IL12RB2: variants seen among roughly 807,000 people sequenced by gnomAD.
IL12RB2 encodes interleukin-12 receptor subunit beta-2.
In IL12RB2, 82 loss-of-function variants were observed where a neutral mutation model predicts 89.4. The ratio of observed to expected loss-of-function variants is 0.92; its 90% CI spans 0.77 to 1.10. The LOEUF is 1.10. IL12RB2 is among the 50% of genes least tolerant of loss of function. IL12RB2 has a pLI of 0.00. For synonymous variants in IL12RB2, 368 were observed against 370.1 expected (o/e 0.99, Z 0.07); for missense variants, 963 against 1,031.9 (o/e 0.93, Z 0.92).
chr1:67,325,927 T>C lies in IL12RB2; in HGVS notation c.365-808T>C, dbSNP rs575702940. 1.2e-4 allele frequency among the ~76,000 whole-genome samples: 18 copies of C among 152,324 alleles called. 1 individual carries two copies. The highest frequency in any genetic ancestry group is 4.1e-4 in the African/African-American group (17 of 41,576). On this transcript the variant is annotated intron_variant, in intron 4 of 16. Coordinates refer to ENST00000674203, the MANE Select transcript of IL12RB2 (RefSeq NM_001374259.2). ...ATTCCTAGTTTGGGTCCTTTCACCA[T>C]AAAATAGCTTTATTTAAAAATACAC...
intron 16 of IL12RB2, among the ~76,000 whole-genome samples, chr1:67,393,498 A>G (rs1173269447): frequency 6.6e-6 from 1 of 152,240 alleles, no homozygotes; most frequent in African/African-American, 2.4e-5. Context: ...CTGTGGTAGC[A>G]GCACTTTGGC....
intron 8 of IL12RB2, among the ~76,000 whole-genome samples, chr1:67,332,856 C>CA (rs931292318): frequency 5.3e-5 from 8 of 152,204 alleles, no homozygotes; most frequent in African/African-American, 1.9e-4. Flanking sequence ...TTCTTACTCA[C>CA]ATATGATAAT....
chr1:67,323,141 G>GATATATATAT (rs61052076), intron 4 of IL12RB2, among the ~76,000 whole-genome samples: 2 of 151,516 alleles, frequency 1.3e-5, no homozygotes, highest in Admixed American at 6.6e-5. Context: ...GACCTATAAG[G>GATATATATAT]ATATATATAT....
At chr1:67,379,330 T>C (rs1047945225) in intron 13 of IL12RB2, among the ~76,000 whole-genome samples, 7 of 149,290 alleles carry the variant, frequency 4.7e-5, no homozygotes, top group African/African-American at 1.7e-4. Context: ...GCCAACATGG[T>C]GAAACCCCAT....
At chr1:67,313,390 G>T (rs1175216232) in intron 1 of IL12RB2, among the ~76,000 whole-genome samples, 1 of 152,112 alleles carries the variant, frequency 6.6e-6, no homozygotes, top group Non-Finnish European at 1.5e-5. Flanking sequence ...CTAGCATCGT[G>T]CCTGAAACAT....
In IL12RB2 at chr1:67,328,247, T is replaced by A; in HGVS notation, c.527T>A (p.Ile176Asn). The change falls in exon 6 of 17, where the codon ATT becomes AAT. Residue 176 changes from isoleucine (I) to asparagine (N), a missense_variant. Transcript: ENST00000674203. ...NLTWQKQCKD[I>N]YCDYLDFGIN... ...ACCTGGCAGAAGCAATGTAAAGACATTTATTGTGACTATTTGGACTTTGGA... is the reference window on the plus strand; with the variant it reads ...ACCTGGCAGAAGCAATGTAAAGACAATTATTGTGACTATTTGGACTTTGGA... The A allele has an allele frequency of 6.2e-7, 1 of 1,614,090 alleles. No homozygotes were observed. Among genetic ancestry groups the A allele is most frequent in the Non-Finnish European group, 8.5e-7 (1 of 1,179,968 alleles).
intron 4 of IL12RB2, among the ~76,000 whole-genome samples, chr1:67,324,396 T>C (rs12087825): frequency 0.048 from 7,298 of 152,158 alleles, 602 homozygotes; most frequent in African/African-American, 0.17. Flanking sequence ...CTAATTTTTG[T>C]ATTTTATTAG....
chr1:67,390,133 G>T lies in IL12RB2; in HGVS notation c.2046+5G>T. 1 of 1,030,878 alleles carries T rather than the reference G, an allele frequency of 9.7e-7. No individual in the cohort carries two copies. The highest frequency in any genetic ancestry group is 1.5e-6 in the Non-Finnish European group (1 of 646,484). The allele number at this position is 1,030,878 out of a possible 1,614,324, so 63.9% of individuals were successfully genotyped here. A position where few individuals can be genotyped will look rare whatever the true frequency, so the allele number is the denominator to read the frequency against. ...AAGAAATATCCCATTGCAGAGGTAA[G>T]GTACAATTCCTCTGTGGTCAGTCAG... On this transcript the variant is annotated splice_donor_5th_base_variant and intron_variant, in intron 16 of 16. Coordinates refer to ENST00000674203, the MANE Select transcript of IL12RB2 (RefSeq NM_001374259.2).
At chr1:67,380,200 G>C in intron 14 of IL12RB2, 77 bp downstream of exon 14, 2 of 1,461,870 alleles carry the variant, frequency 1.4e-6, no homozygotes, top group East Asian at 2.3e-5. Flanking sequence ...ATTTGGTATA[G>C]AGATAATCAG....
intron 14 of IL12RB2, among the ~76,000 whole-genome samples, chr1:67,386,110 G>A (rs1665105626): frequency 6.7e-6 from 1 of 149,272 alleles, no homozygotes; most frequent in African/African-American, 2.5e-5. Context: ...TCGGGAGGCT[G>A]AGGCAGGAGA....
chr1:67,370,523 G>T (rs980865817), intron 11 of IL12RB2, among the ~76,000 whole-genome samples: 1 of 152,188 alleles, frequency 6.6e-6, no homozygotes, highest in African/African-American at 2.4e-5. Context: ...CTTAACAGGT[G>T]AAATTAGCTT....
chr1:67,391,270 T>C (rs1345450593), intron 16 of IL12RB2, among the ~76,000 whole-genome samples: 2 of 151,822 alleles, frequency 1.3e-5, no homozygotes, highest in Admixed American at 1.3e-4. Context: ...ATTCACTTTC[T>C]TCCCAAGAAG....
intron 4 of IL12RB2, among the ~76,000 whole-genome samples, 193 bp from the exon 5 acceptor site, chr1:67,326,542 C>G (rs185404866): frequency 6.6e-6 from 1 of 152,186 alleles, no homozygotes; most frequent in East Asian, 1.9e-4. Flanking sequence ...ATATTCACTA[C>G]TATTATTACT....
chr1:67,316,169 A>T (rs917725902), intron 2 of IL12RB2, among the ~76,000 whole-genome samples: 3 of 152,140 alleles, frequency 2.0e-5, no homozygotes, highest in Non-Finnish European at 2.9e-5. Context: ...AATGGAGGAG[A>T]TAGACAGGTA....
intron 1 of IL12RB2, 64 bp from the exon 2 acceptor site, chr1:67,313,849 C>G (rs577696779): frequency 6.6e-6 from 1 of 151,902 alleles, no homozygotes; most frequent in East Asian, 1.9e-4. Context: ...GAGAGAGAGA[C>G]TGAGGTTCTG....
intron 16 of IL12RB2, 65 bp downstream of exon 16, chr1:67,390,193 A>G (rs1326280321): frequency 1.2e-6 from 1 of 845,792 alleles, no homozygotes; most frequent in Non-Finnish European, 2.1e-6. Context: ...TAAGTTTTCC[A>G]TTGTAGTTAC....
At chr1:67,349,005 T>C (rs1051147724) in intron 9 of IL12RB2, among the ~76,000 whole-genome samples, 1 of 152,170 alleles carries the variant, frequency 6.6e-6, no homozygotes, top group Non-Finnish European at 1.5e-5. Flanking sequence ...TCTGGGTCCA[T>C]GCCCTCTGGA....
intron 10 of IL12RB2, among the ~76,000 whole-genome samples, chr1:67,367,527 G>T (rs928058489): frequency 3.9e-4 from 54 of 139,160 alleles, no homozygotes; most frequent in African/African-American, 1.2e-3. Context: ...GGGAGGGAGG[G>T]AGGAAGGGAG....
chr1:67,338,555 C>T, intron 8 of IL12RB2, 69 bp from the exon 9 acceptor site: 1 of 794,706 alleles, frequency 1.3e-6, no homozygotes, highest in South Asian at 1.4e-5. Flanking sequence ...GAATTGTTTA[C>T]TGAATGACCA....
Sources: gnomAD v4.1 joint callset for allele counts (sites outside exome capture counted in the v4.1 genomes callset) on GRCh38, gnomAD v4.1.1 for gene constraint, MANE v1.5 for transcripts, NCBI Gene and HGNC (gene_info 2026-07-23, HGNC 2026-07-21) for gene names.